PRSS58: variants seen among roughly 807,000 people sequenced by gnomAD.
The protein encoded by PRSS58 is protease, serine 58.
A neutral mutation model predicts 25.0 loss-of-function variants in PRSS58; 31 were observed. The observed-to-expected ratio is 1.24, with a 90% CI of 0.93 to 1.67. The LOEUF is 1.67. PRSS58 is among the 40% of genes most tolerant of loss of function. The pLI is 0.00. For missense variants in PRSS58, 324 were observed against 287.9 expected (o/e 1.13, Z -0.91); for synonymous variants, 119 against 106.1 (o/e 1.12, Z -0.75).
chr7:142,255,075 C>T lies in PRSS58; in HGVS notation c.416G>A (p.Ser139Asn). 6.2e-7 allele frequency: 1 copy of T among 1,614,024 alleles called. No individual in the cohort carries two copies. Among genetic ancestry groups the T allele is most frequent in the South Asian group, 1.1e-5 (1 of 91,070 alleles). Residue 139 changes from serine to asparagine, a missense_variant, in exon 4 of 6, where the codon AGC becomes AAC. Physicochemically the swap from Ser to Asn is conservative, Grantham distance 46. Coordinates refer to ENST00000547058, the MANE Select transcript of PRSS58 (RefSeq NM_001001317.5). ...ENTMCSVSTW[S>N]YNVCDIYKEP... The stretch of plus-strand genomic sequence containing the variant: ...CTCACAGATATCACACACATTGTAG[C>T]TCCAGGTAGAGACAGAGCACATGGT...
In PRSS58 at chr7:142,255,667, A is replaced by G. The variant is rs542570312; in HGVS notation, c.47T>C (p.Leu16Ser). Residue 16 changes from leucine to serine, a missense_variant, in exon 3 of 6, where the codon TTG becomes TCG. Physicochemically the swap from Leu to Ser is moderately radical, Grantham distance 145 (BLOSUM62 -2). Transcript: ENST00000547058. ...GACTGTGTAATCTGGATTAAAGGCC[A>G]AAGCAACTGGAAAGAGAAGCATAGA... ...LWALLNLTVA[L>S]AFNPDYTVSS... 16 of 1,606,708 alleles carry G rather than the reference A, an allele frequency of 1.0e-5. No individual in the cohort carries two copies. The South Asian group carries it at 1.4e-4, about 15-fold the overall frequency.
chr7:142,255,362 A>G lies in PRSS58; in HGVS notation c.180-51T>C, dbSNP rs374372848. The G allele has an allele frequency of 2.8e-5, 45 of 1,595,466 alleles. No homozygotes were observed. In the African/African-American group the frequency reaches 4.9e-4, roughly 17 times the overall value. ...AGGACTTAACAGAGATGGCTTCTCC[A>G]TCATTATGAGCCTCTATTATCCCTC... On this transcript the variant is annotated intron_variant, in intron 3 of 5. Transcript: ENST00000547058.
Position 142,252,571 on chromosome 7 carries a change from TA to T in PRSS58, c.476del (p.Val159GlufsTer59). On this transcript the variant is annotated frameshift_variant, in exon 5 of 6. Coordinates refer to ENST00000547058, the MANE Select transcript of PRSS58 (RefSeq NM_001001317.5). LOFTEE classifies it high-confidence loss of function. ...CATCGCGACACTGAGGCTTGGAGAT[TA>T]CAGAGATGTTCACAGTTTGCAGTGA... is the stretch of plus-strand genomic sequence containing the variant. ...PDSLQTVNISVISKPQCRDAY... is the reference protein window; with the variant it reads ...PDSLQTVNISXISKPQCRDAY... The T allele has an allele frequency of 6.2e-7, 1 of 1,614,094 alleles. No individual in the cohort carries two copies. The highest frequency in any genetic ancestry group is 8.5e-7 in the Non-Finnish European group (1 of 1,180,000).
At chr7:142,257,107 A>C (rs1412171342) in intron 2 of PRSS58, among the ~76,000 whole-genome samples, 4 of 152,194 alleles carry the variant, frequency 2.6e-5, no homozygotes, top group Non-Finnish European at 4.4e-5. Flanking sequence ...TGTAGAGTGT[A>C]GAAGTATAGA....
chr7:142,254,503 G>C (rs1035875903), intron 4 of PRSS58, among the ~76,000 whole-genome samples: 1 of 152,178 alleles, frequency 6.6e-6, no homozygotes, highest in African/African-American at 2.4e-5. Context: ...CTGAAGAAAT[G>C]AGTGAATGCT....
At chr7:142,257,834 C>G (rs1563318750) in intron 1 of PRSS58, 86 bp from the exon 2 acceptor site, 4 of 746,968 alleles carry the variant, frequency 5.4e-6, no homozygotes, top group Non-Finnish European at 9.2e-6. Context: ...ATTTTAGTAG[C>G]AGGATTCAGT....
intron 4 of PRSS58, among the ~76,000 whole-genome samples, chr7:142,253,802 T>G (rs1220620864): frequency 6.6e-6 from 1 of 152,126 alleles, no homozygotes; most frequent in Non-Finnish European, 1.5e-5. Context: ...TGAAGTCATA[T>G]CTCGTTTTGA....
intron 4 of PRSS58, 22 bp downstream of exon 4, chr7:142,255,033 A>T: frequency 6.2e-7 from 1 of 1,611,080 alleles, no homozygotes; most frequent in East Asian, 2.2e-5. Context: ...ATTCTGAGAG[A>T]AGAACATTGT....
At chr7:142,255,017 T>G in intron 4 of PRSS58, 38 bp downstream of exon 4, 1 of 1,604,754 alleles carries the variant, frequency 6.2e-7, no homozygotes, top group South Asian at 1.1e-5. Context: ...TGTAGAAGCA[T>G]GTCTAATTCT....
At chr7:142,255,792 T>A in intron 2 of PRSS58, 119 bp from the exon 3 acceptor site, 1 of 762,876 alleles carries the variant, frequency 1.3e-6, no homozygotes, top group South Asian at 2.5e-5. Flanking sequence ...CAACTTTATC[T>A]GTAAAATGAC....
At chr7:142,253,899 G>A (rs1798510933) in intron 4 of PRSS58, among the ~76,000 whole-genome samples, 2 of 152,004 alleles carry the variant, frequency 1.3e-5, no homozygotes, top group African/African-American at 4.8e-5. Flanking sequence ...ACTCTCAGAG[G>A]ACAAATAATT....
chr7:142,253,549 C>T (rs773593035), intron 4 of PRSS58, among the ~76,000 whole-genome samples: 7 of 152,038 alleles, frequency 4.6e-5, no homozygotes, highest in East Asian at 1.9e-4. Context: ...GTTCTTTCCA[C>T]GGACATTTCT....
chr7:142,258,027 G>A lies in PRSS58; in HGVS notation c.-78C>T, dbSNP rs148515388. 1.4e-3 allele frequency: 398 copies of A among 294,058 alleles called. 3 individuals are homozygous for A. The highest frequency in any genetic ancestry group is 8.1e-3 in the African/African-American group (378 of 46,788). The allele number at this position is 294,058 out of a possible 1,614,324, so 18.2% of individuals were successfully genotyped here. The stretch of plus-strand genomic sequence containing the variant: ...TGAAGTTCATGATATCTCTACAGAC[G>A]CCTCCTGTCTGGTCTCCTTTTTGCC... On this transcript the variant is annotated 5_prime_UTR_variant, in exon 1 of 6. Transcript: ENST00000547058.
chr7:142,257,687 C>T lies in PRSS58; in HGVS notation c.21G>A (p.Trp7Ter), dbSNP rs374583852. The T allele has an allele frequency of 1.9e-6, 3 of 1,612,934 alleles. No homozygotes were observed. Among genetic ancestry groups the T allele is most frequent in the East Asian group, 4.5e-5 (2 of 44,854 alleles). The change falls in exon 2 of 6, where the codon TGG becomes TGA. Residue 7 changes from tryptophan (W) to a stop codon, truncating the protein, a stop_gained. Transcript: ENST00000547058. LOFTEE classifies it high-confidence loss of function. ...ACTCACCAGTCAGATTCAAGAGAGC[C>T]CAGAGGAGGATAAACTTCATGATGA... The part of the protein sequence containing the change: MKFILL[W>*]ALLNLTVALA...
At chr7:142,255,416 T>C in intron 3 of PRSS58, 105 bp from the exon 4 acceptor site, 1 of 1,580,772 alleles carries the variant, frequency 6.3e-7, no homozygotes, top group Non-Finnish European at 8.7e-7. Context: ...TACCCTCGTA[T>C]GTCTCCCAAA....
rs559007428 is a variant in PRSS58 at position 142,254,930 on chromosome 7, A to C, written c.436+125T>G. The C allele has an allele frequency of 6.5e-6, 6 of 924,016 alleles. No individual in the cohort carries two copies. In the African/African-American group the frequency reaches 8.2e-5, roughly 13 times the overall value. 57.2% of individuals were successfully genotyped at this position (924,016 alleles called of 1,614,324 possible). A position where few individuals can be genotyped will look rare whatever the true frequency, so the allele number is the denominator to read the frequency against. On this transcript the variant is annotated intron_variant, in intron 4 of 5. Transcript: ENST00000547058. ...TTGAAGCACTCCTTCAGTGAGGTAC[A>C]GAGAAAAGGAAAGGGGGGAAAGAGG...
chr7:142,257,832 A>G (rs1349507425), intron 1 of PRSS58, 84 bp from the exon 2 acceptor site: 4 of 775,192 alleles, frequency 5.2e-6, no homozygotes, highest in Non-Finnish European at 8.7e-6. Flanking sequence ...TTATTTTAGT[A>G]GCAGGATTCA....
intron 1 of PRSS58, 91 bp downstream of exon 1, chr7:142,257,900 C>A: frequency 1.7e-6 from 1 of 589,996 alleles, no homozygotes. Flanking sequence ...GTCAGAGAGA[C>A]AAGAATAGAG....
intron 4 of PRSS58, 53 bp downstream of exon 4, chr7:142,255,002 G>A (rs1894316): frequency 0.12 from 192,614 of 1,570,622 alleles, 14,737 homozygotes; most frequent in African/African-American, 0.34. Context: ...CAAGAGTCGC[G>A]AAGGTGTAGA....
Sources: allele counts gnomAD v4.1 joint callset (sites outside exome capture counted in the v4.1 genomes callset), GRCh38; gene constraint gnomAD v4.1.1; transcripts MANE v1.5; gene names NCBI Gene and HGNC (gene_info 2026-07-23, HGNC 2026-07-21).